Variants in NPFFR1 observed in about 807,000 individuals in gnomAD.
The protein encoded by NPFFR1 is G-protein coupled receptor 147.
A neutral mutation model predicts 12.7 loss-of-function variants in NPFFR1; 17 were observed. That is an observed-to-expected ratio of 1.34 (90% CI 0.92 to 2.01). The LOEUF is 2.01. NPFFR1 is among the 30% of genes most tolerant of loss of function. The probability of loss-of-function intolerance (pLI) is 0.00; values close to 1 mark genes in which losing one functional copy is unlikely to be tolerated. For synonymous variants in NPFFR1, 296 were observed against 264.5 expected (o/e 1.12, Z -1.16); for missense variants, 604 against 606.5 (o/e 1.00, Z 0.04).
Position 70,254,800 on chromosome 10 carries a change from A to G in NPFFR1, c.*157T>C. On this transcript the variant is annotated 3_prime_UTR_variant, in exon 4 of 4. Coordinates refer to ENST00000277942, the MANE Select transcript of NPFFR1 (RefSeq NM_022146.5). ...ATTTGCCTCTACTGAGGGTGAAGGC[A>G]GCAGAGAAGACATCACCAGCAGCTG... 3 of 872,958 alleles carry G rather than the reference A, an allele frequency of 3.4e-6. No individual in the cohort carries two copies. Among genetic ancestry groups the G allele is most frequent in the Non-Finnish European group, 4.7e-6 (3 of 644,472 alleles). The allele number at this position is 872,958 out of a possible 1,614,324, so 54.1% of individuals were successfully genotyped here.
intron 3 of NPFFR1, among the ~76,000 whole-genome samples, chr10:70,260,141 G>C (rs752128072): frequency 4.3e-4 from 66 of 152,202 alleles, no homozygotes; most frequent in Non-Finnish European, 8.1e-4. Context: ...GAATCTGATG[G>C]AATATGAGGC....
At chr10:70,274,374 G>A (rs541221462) in intron 1 of NPFFR1, among the ~76,000 whole-genome samples, 2 of 152,184 alleles carry the variant, frequency 1.3e-5, no homozygotes, top group African/African-American at 2.4e-5. Context: ...GCTTGAACCC[G>A]GGAGGTGGAG....
In NPFFR1 at chr10:70,254,142, G is replaced by C. The variant is rs61858189; in HGVS notation, c.*815C>G. 1 of 152,202 alleles carries C rather than the reference G, an allele frequency of 6.6e-6. No homozygotes were observed. The highest frequency in any genetic ancestry group is 1.5e-5 in the Non-Finnish European group (1 of 68,052). The allele number at this position is 152,202 out of a possible 1,614,324, so 9.4% of individuals were successfully genotyped here. ...ATGAGTACGTAAAAGGACACCTCCT[G>C]TGGCCCTGCAGCATTACAATGTCTG... On this transcript the variant is annotated 3_prime_UTR_variant, in exon 4 of 4. Coordinates refer to ENST00000277942, the MANE Select transcript of NPFFR1 (RefSeq NM_022146.5).
At chr10:70,282,299 G>T (rs992316085) in intron 1 of NPFFR1, among the ~76,000 whole-genome samples, 1 of 152,198 alleles carries the variant, frequency 6.6e-6, no homozygotes, top group Non-Finnish European at 1.5e-5. Context: ...CTAAGCCAGA[G>T]CAGATTCCTT....
At chr10:70,283,345 C>G (rs1480085781) in intron 1 of NPFFR1, among the ~76,000 whole-genome samples, 26 of 149,124 alleles carry the variant, frequency 1.7e-4, no homozygotes, top group Admixed American at 1.6e-3. Flanking sequence ...CTGTCTCTGT[C>G]TCTCTCTCTC....
chr10:70,258,163 T>A (rs1392476702), intron 3 of NPFFR1, among the ~76,000 whole-genome samples: 1 of 152,122 alleles, frequency 6.6e-6, no homozygotes, highest in Non-Finnish European at 1.5e-5. Flanking sequence ...TCTTTCTCAG[T>A]CTCTCATCCC....
chr10:70,267,593 G>C (rs1840707248), intron 1 of NPFFR1, among the ~76,000 whole-genome samples: 1 of 152,178 alleles, frequency 6.6e-6, no homozygotes, highest in Non-Finnish European at 1.5e-5. Context: ...GTTTCCCCAG[G>C]CTTGCTTCGA....
chr10:70,272,414 G>A (rs1366292731), intron 1 of NPFFR1, among the ~76,000 whole-genome samples: 2 of 152,210 alleles, frequency 1.3e-5, no homozygotes, highest in Non-Finnish European at 1.5e-5. Context: ...ACCTCTTCCT[G>A]AGAGGCTGCC....
At chr10:70,259,208 C>T (rs1370719913) in intron 3 of NPFFR1, among the ~76,000 whole-genome samples, 3 of 151,890 alleles carry the variant, frequency 2.0e-5, no homozygotes, top group Non-Finnish European at 4.4e-5. Context: ...ATGGCTTGAA[C>T]CCGGGAGGCA....
chr10:70,255,542 G>T lies in NPFFR1; in HGVS notation c.708C>A (p.Tyr236Ter). Residue 236 changes from tyrosine to a stop codon, truncating the protein, a stop_gained, in exon 4 of 4, where the codon TAC becomes TAA. Coordinates refer to ENST00000277942, the MANE Select transcript of NPFFR1 (RefSeq NM_022146.5). LOFTEE classifies it low-confidence loss of function (END_TRUNC). This position sits in a 1 kb window ranked among gnomAD's most constrained non-coding sequence, Gnocchi z 4.2. ...GGCAGAGCTTGCGCGCGATGCGGGC[G>T]TACATGACCACGATGAGCGCCAGCG... ...LAPLALIVVM[Y>*]ARIARKLCQA... The T allele has an allele frequency of 6.5e-7, 1 of 1,550,244 alleles. No homozygotes were observed. Among genetic ancestry groups the T allele is most frequent in the Non-Finnish European group, 8.7e-7 (1 of 1,146,664 alleles).
At chr10:70,272,233 AAAGAAAGAAAG>A (rs1840756574) in intron 1 of NPFFR1, among the ~76,000 whole-genome samples, 2 of 6,414 alleles carry the variant, frequency 3.1e-4, no homozygotes, top group African/African-American at 1.2e-3. Flanking sequence ...AGAAAGAAAG[AAAGAAAGAAAG>A]AAGAAAGAAG....
At chr10:70,261,301 G>T (rs1033035465) in intron 2 of NPFFR1, among the ~76,000 whole-genome samples, 1 of 152,120 alleles carries the variant, frequency 6.6e-6, no homozygotes, top group Non-Finnish European at 1.5e-5. Flanking sequence ...TGTGAAGAAG[G>T]ATGTGCTTCC....
chr10:70,261,692 C>A (rs527578896), intron 2 of NPFFR1, among the ~76,000 whole-genome samples: 1 of 152,186 alleles, frequency 6.6e-6, no homozygotes, highest in Admixed American at 6.5e-5. Flanking sequence ...ATCTGGAGAG[C>A]TTTGCAAAGA....
chr10:70,275,687 A>G (rs954763503), intron 1 of NPFFR1, among the ~76,000 whole-genome samples: 1 of 152,170 alleles, frequency 6.6e-6, no homozygotes, highest in African/African-American at 2.4e-5. Context: ...GGCCTAGAAC[A>G]TAAATATGAT....
intron 1 of NPFFR1, among the ~76,000 whole-genome samples, chr10:70,282,777 C>T (rs1473515267): frequency 6.6e-6 from 1 of 152,104 alleles, no homozygotes; most frequent in Non-Finnish European, 1.5e-5. Context: ...TGGACGAGCC[C>T]TTGGTTTTCC....
intron 1 of NPFFR1, among the ~76,000 whole-genome samples, chr10:70,279,822 T>C (rs975618919): frequency 1.3e-5 from 2 of 152,214 alleles, no homozygotes; most frequent in Non-Finnish European, 2.9e-5. Context: ...TGCTGTGCAA[T>C]AGAATTCAAA....
At chr10:70,256,256 A>C (rs1306256685) in intron 3 of NPFFR1, among the ~76,000 whole-genome samples, 1 of 151,852 alleles carries the variant, frequency 6.6e-6, no homozygotes, top group Non-Finnish European at 1.5e-5. Context: ...AATTTCTTTC[A>C]ATTTTTGGAG....
At chr10:70,262,595 T>C (rs1161202975) in intron 2 of NPFFR1, among the ~76,000 whole-genome samples, 6 of 152,212 alleles carry the variant, frequency 3.9e-5, no homozygotes, top group Non-Finnish European at 1.5e-5. Context: ...GTAAATATGT[T>C]GTAGATAAAT....
At chr10:70,275,195 C>T (rs187334186) in intron 1 of NPFFR1, among the ~76,000 whole-genome samples, 96 of 152,370 alleles carry the variant, frequency 6.3e-4, no homozygotes, top group African/African-American at 2.3e-3. Flanking sequence ...TACTTCTCTT[C>T]TACTCTGAGG....
Sources: allele counts gnomAD v4.1 joint callset (sites outside exome capture counted in the v4.1 genomes callset), GRCh38; gene constraint gnomAD v4.1.1; non-coding constraint Gnocchi (gnomAD v3.1); transcripts MANE v1.5; gene names NCBI Gene and HGNC (gene_info 2026-07-23, HGNC 2026-07-21).